The following ADGRL3 variants were observed in gnomAD, a reference collection of about 807,000 sequenced individuals.
ADGRL3 encodes the protein calcium-independent alpha-latrotoxin receptor 3.
ADGRL3 carries 62 observed loss-of-function variants against 153.5 expected under a neutral mutation model. That is an observed-to-expected ratio of 0.40 (90% CI 0.33 to 0.50). ADGRL3 has a LOEUF of 0.50. Among genes scored for constraint, ADGRL3 ranks in the 20% least tolerant of loss-of-function variants. The pLI is 0.47. For synonymous variants in ADGRL3, 710 were observed against 672.5 expected (o/e 1.06, Z -0.86); for missense variants, 1,641 against 1,859.4 (o/e 0.88, Z 2.16).
intron 4 of ADGRL3, among the ~76,000 whole-genome samples, chr4:61,530,229 G>A (rs1166944864): frequency 6.6e-6 from 1 of 151,406 alleles, no homozygotes; most frequent in Non-Finnish European, 1.5e-5. Context: ...ATATAGAAGG[G>A]TAGTGAAGAA....
intron 1 of ADGRL3, among the ~76,000 whole-genome samples, chr4:61,372,560 T>A (rs9998574): frequency 6.6e-6 from 1 of 151,962 alleles, no homozygotes; most frequent in Non-Finnish European, 1.5e-5. Flanking sequence ...GGGTCAGCGA[T>A]CCACTTGAGG....
rs1375437472 is a variant in ADGRL3, at chr4:61,847,673, A to T, written c.1480+33784A>T. Among the ~76,000 whole-genome samples, 51 of 58,920 alleles carry T rather than the reference A, an allele frequency of 8.7e-4. 8 individuals carry two copies. Among genetic ancestry groups the T allele is most frequent in the Non-Finnish European group, 1.2e-3 (39 of 33,596 alleles). The allele number at this position is 58,920 out of a possible 152,430, so 38.7% of individuals were successfully genotyped here. A position where few individuals can be genotyped will look rare whatever the true frequency, so the allele number is the denominator to read the frequency against. On this transcript the variant is annotated intron_variant, in intron 9 of 26. Transcript: ENST00000683033. ...TAAAATATATTATATATATAATATA[A>T]AATATATTATATATATAATATAAAA... is the stretch of plus-strand genomic sequence containing the variant.
rs1406365806 is a variant in ADGRL3, at chr4:61,202,148, C to G, written c.-240+383C>G. ...GGCATCCCCTGGTGGGGGCAGAAAG[C>G]GGACAGGAGGGCGACTTTTCTCCGT... is the stretch of plus-strand genomic sequence containing the variant. On this transcript the variant is annotated intron_variant, in intron 1 of 26. Transcript: ENST00000683033. This position sits in a 1 kb window ranked among gnomAD's most constrained non-coding sequence, Gnocchi z 5.0. The G allele has an allele frequency of 6.5e-6, 1 of 152,990 alleles. No individual in the cohort carries two copies. Among genetic ancestry groups the G allele is most frequent in the Non-Finnish European group, 1.5e-5 (1 of 68,670 alleles). The allele number at this position is 152,990 out of a possible 1,614,324, so 9.5% of individuals were successfully genotyped here.
intron 2 of ADGRL3, among the ~76,000 whole-genome samples, chr4:61,413,841 G>A (rs1034334281): frequency 1.3e-5 from 2 of 152,196 alleles, no homozygotes; most frequent in Admixed American, 6.5e-5. Context: ...TGTTCCATGA[G>A]TCTGAGGCAT....
intron 5 of ADGRL3, among the ~76,000 whole-genome samples, chr4:61,618,405 C>G (rs754946199): frequency 6.6e-6 from 1 of 152,252 alleles, no homozygotes; most frequent in Non-Finnish European, 1.5e-5. Flanking sequence ...TAACAAATTG[C>G]CCCAACTTAG....
intron 8 of ADGRL3, among the ~76,000 whole-genome samples, chr4:61,736,262 T>G (rs1197754398): frequency 6.6e-6 from 1 of 152,154 alleles, no homozygotes; most frequent in Non-Finnish European, 1.5e-5. Flanking sequence ...AAATTATACC[T>G]TCATTTAATT....
intron 4 of ADGRL3, among the ~76,000 whole-genome samples, chr4:61,555,254 C>A (rs1323836609): frequency 4.6e-5 from 7 of 151,924 alleles, no homozygotes; most frequent in Non-Finnish European, 7.4e-5. Flanking sequence ...TATTTTGATC[C>A]CCTTCATATA....
intron 17 of ADGRL3, among the ~76,000 whole-genome samples, chr4:61,960,968 G>A (rs147505264): frequency 8.2e-4 from 124 of 152,144 alleles, no homozygotes; most frequent in Middle Eastern, 3.4e-3. Context: ...TTGGCCTCCC[G>A]AAGTGCTGAG....
intron 1 of ADGRL3, among the ~76,000 whole-genome samples, chr4:61,316,289 G>A (rs956114664): frequency 2.0e-5 from 3 of 152,126 alleles, no homozygotes; most frequent in African/African-American, 7.2e-5. Context: ...TATTTCAGGG[G>A]TAGGAAAGAC....
chr4:61,797,312 T>G (rs1166327244), intron 8 of ADGRL3, among the ~76,000 whole-genome samples: 1 of 152,180 alleles, frequency 6.6e-6, no homozygotes, highest in Non-Finnish European at 1.5e-5. Context: ...TTGTTTAATT[T>G]TAAACAAATA....
At chr4:61,819,884 A>G (rs2097731524) in intron 9 of ADGRL3, among the ~76,000 whole-genome samples, 1 of 152,060 alleles carries the variant, frequency 6.6e-6, no homozygotes, top group Non-Finnish European at 1.5e-5. Flanking sequence ...GAGTTTTAAA[A>G]CTCTATTTTG....
intron 2 of ADGRL3, among the ~76,000 whole-genome samples, chr4:61,490,862 A>T (rs2098250451): frequency 6.6e-6 from 1 of 152,178 alleles, no homozygotes; most frequent in African/African-American, 2.4e-5. Flanking sequence ...GTAAATTGAG[A>T]AACAATACAT....
chr4:61,641,116 C>T (rs569973758), intron 5 of ADGRL3, among the ~76,000 whole-genome samples: 1 of 152,072 alleles, frequency 6.6e-6, no homozygotes, highest in Non-Finnish European at 1.5e-5. Flanking sequence ...TCCTGCTAAC[C>T]TTATTTCACC....
chr4:61,853,182 C>T (rs568491204), intron 9 of ADGRL3, among the ~76,000 whole-genome samples: 1 of 152,014 alleles, frequency 6.6e-6, no homozygotes, highest in South Asian at 2.1e-4. Flanking sequence ...TTCTGGTGAC[C>T]AGCCCCCATC....
chr4:61,583,402 A>G (rs1253678630), intron 4 of ADGRL3, among the ~76,000 whole-genome samples: 2 of 152,104 alleles, frequency 1.3e-5, no homozygotes, highest in Non-Finnish European at 2.9e-5. Flanking sequence ...AGAGACCCCA[A>G]GGAGAAGGAA....
At chr4:61,919,246 A>G (rs536438597) in intron 13 of ADGRL3, among the ~76,000 whole-genome samples, 38 of 152,350 alleles carry the variant, frequency 2.5e-4, no homozygotes, top group African/African-American at 7.9e-4. Flanking sequence ...ATGTTTGCCC[A>G]TAAGCATCAA....
At chr4:61,816,754 T>C (rs1580973032) in intron 9 of ADGRL3, among the ~76,000 whole-genome samples, 1 of 152,204 alleles carries the variant, frequency 6.6e-6, no homozygotes, top group Admixed American at 6.5e-5. Flanking sequence ...AGGGGAGGCA[T>C]GCCTGGGGCT....
rs145865117 is a variant in ADGRL3 at position 61,396,934 on chromosome 4, G to A, written c.-174+13745G>A. 2.3e-3 allele frequency among the ~76,000 whole-genome samples: 276 copies of A among 118,532 alleles called. 1 individual carries two copies. Among genetic ancestry groups the A allele is most frequent in the African/African-American group, 7.9e-3 (267 of 33,942 alleles). The allele number at this position is 118,532 out of a possible 152,430, so 77.8% of individuals were successfully genotyped here. A position where few individuals can be genotyped will look rare whatever the true frequency, so the allele number is the denominator to read the frequency against. ...ATGTAATTTACTAAATAATTTGTTA[G>A]CCTAGTAAGGAATATATTATTATTA... On this transcript the variant is annotated intron_variant, in intron 2 of 26. Coordinates refer to ENST00000683033, the MANE Select transcript of ADGRL3 (RefSeq NM_001387552.1).
At chr4:61,343,882 A>G (rs969292005) in intron 1 of ADGRL3, among the ~76,000 whole-genome samples, 1 of 152,176 alleles carries the variant, frequency 6.6e-6, no homozygotes. Context: ...ACTGGGTCAG[A>G]TTATCTTTAG....
Sources: gnomAD v4.1 joint callset for allele counts (sites outside exome capture counted in the v4.1 genomes callset) on GRCh38, gnomAD v4.1.1 for gene constraint, Gnocchi (gnomAD v3.1) non-coding constraint, MANE v1.5 for transcripts, NCBI Gene and HGNC (gene_info 2026-07-23, HGNC 2026-07-21) for gene names.